EVC2: variants seen among roughly 807,000 people sequenced by gnomAD.
EVC2 encodes limbin.
EVC2 carries 148 observed loss-of-function variants against 149.3 expected under a neutral mutation model. The ratio of observed to expected loss-of-function variants is 0.99; its 90% confidence interval spans 0.87 to 1.14. EVC2 has a LOEUF of 1.14. Among genes scored for constraint, EVC2 ranks in the 50% most tolerant of loss-of-function variants. The pLI, the probability that EVC2 is intolerant of heterozygous loss-of-function variation, is 0.00. For missense variants in EVC2, 1,854 were observed against 1,627.3 expected (o/e 1.14, Z -2.40); for synonymous variants, 776 against 649.9 (o/e 1.19, Z -2.95).
In EVC2 at chr4:5,567,921, T is replaced by C. The variant is rs1458083287; in HGVS notation, c.3557+523A>G. Among the ~76,000 whole-genome samples the C allele has an allele frequency of 6.6e-6, 1 of 152,234 alleles. No individual in the cohort carries two copies. Among genetic ancestry groups the C allele is most frequent in the East Asian group, 1.9e-4 (1 of 5,200 alleles). On this transcript the variant is annotated intron_variant, in intron 20 of 21. Transcript: ENST00000344408. This position sits in a 1 kb window ranked among gnomAD's most constrained non-coding sequence, Gnocchi z 4.4. ...GATAAGAATTACATAGGGGGATGTT[T>C]GCATGAGCGTTAAAAGGTAAGGAGC...
chr4:5,538,709 G>C (rs1362919177), downstream of EVC2, among the ~76,000 whole-genome samples: 2 of 152,072 alleles, frequency 1.3e-5, no homozygotes, highest in African/African-American at 4.8e-5. Context: ...TCTATAAAAT[G>C]ATGAAAAACT....
rs190052122 is a variant in EVC2, at chr4:5,562,706, G to C, written c.*142C>G. 41 of 1,537,902 alleles carry C rather than the reference G, an allele frequency of 2.7e-5. 1 individual carries two copies. In the East Asian group the frequency reaches 8.3e-4, roughly 31 times the overall value. ...ACAAGATTAAACCGAGTCCCTGCAAGTTGGCATGCGCTACGGGGTCTGTGC... is the reference window on the plus strand; with the variant it reads ...ACAAGATTAAACCGAGTCCCTGCAACTTGGCATGCGCTACGGGGTCTGTGC... On this transcript the variant is annotated 3_prime_UTR_variant, in exon 22 of 22. Transcript: ENST00000344408. The surrounding 1 kb of genome is among the most constrained non-coding windows in gnomAD (Gnocchi z 4.3).
At chr4:5,662,482 A>C (rs1379774468) in intron 9 of EVC2, among the ~76,000 whole-genome samples, 1 of 106,248 alleles carries the variant, frequency 9.4e-6, no homozygotes, top group Non-Finnish European at 2.1e-5. Context: ...ATAATATTAA[A>C]TATAATATTA....
At chr4:5,619,281 G>A (rs988790813) in intron 14 of EVC2, among the ~76,000 whole-genome samples, 2 of 152,160 alleles carry the variant, frequency 1.3e-5, no homozygotes, top group Admixed American at 1.3e-4. Flanking sequence ...TGGAAATAGG[G>A]TATTTACAAA....
In EVC2 at chr4:5,554,339, G is replaced by T. The variant is rs190825108; in HGVS notation, c.3419+10919C>A. ...AGTAAGAAACCTTCATGGTCATTTT[G>T]ATGAATTGCTGAGGGCTGAAAGTAG... On this transcript the variant is annotated intron_variant and NMD_transcript_variant, in intron 21 of 22. Coordinates refer to the EVC2 transcript ENST00000475313. Among the ~76,000 whole-genome samples the T allele has an allele frequency of 2.6e-5, 4 of 152,270 alleles. No individual in the cohort carries two copies. The East Asian group carries it at 7.7e-4, about 29-fold the overall frequency.
intron 16 of EVC2, among the ~76,000 whole-genome samples, chr4:5,596,274 C>G (rs1383732728): frequency 6.6e-6 from 1 of 152,200 alleles, no homozygotes; most frequent in African/African-American, 2.4e-5. Context: ...ACATTTTTCT[C>G]AGCACCACAC....
chr4:5,691,624 A>G (rs1721126783), intron 3 of EVC2, among the ~76,000 whole-genome samples: 1 of 152,162 alleles, frequency 6.6e-6, no homozygotes. Flanking sequence ...ACATACCAGC[A>G]AGGGGGACGT....
chr4:5,639,932 T>C (rs1461300908), intron 10 of EVC2, among the ~76,000 whole-genome samples: 2 of 152,226 alleles, frequency 1.3e-5, no homozygotes, highest in Non-Finnish European at 2.9e-5. Flanking sequence ...CATTGTTCCC[T>C]ATACCTTCAC....
Position 5,567,595 on chromosome 4 carries a change from C to G in EVC2, c.3557+849G>C, listed in dbSNP as rs1471823550. On this transcript the variant is annotated intron_variant, in intron 20 of 21. Coordinates refer to ENST00000344408, the MANE Select transcript of EVC2 (RefSeq NM_147127.5). This position sits in a 1 kb window ranked among gnomAD's most constrained non-coding sequence, Gnocchi z 4.4. ...TCCTCAAGGGGTACTGCTGGCTGCC[C>G]CCCAAACCCGCCTTACTCCACACCC... 6.6e-6 allele frequency among the ~76,000 whole-genome samples: 1 copy of G among 152,040 alleles called. No individual in the cohort carries two copies. The highest frequency in any genetic ancestry group is 1.5e-5 in the Non-Finnish European group (1 of 68,018).
chr4:5,590,429 T>C (rs1712685310), intron 16 of EVC2, among the ~76,000 whole-genome samples: 1 of 151,940 alleles, frequency 6.6e-6, no homozygotes, highest in South Asian at 2.1e-4. Context: ...CATAATGGGA[T>C]GGGAGGTTAG....
At position 5,633,394 on chromosome 4, in the gene EVC2, C is replaced by T. The variant is rs911336368; in HGVS notation, c.1471-1362G>A. Among the ~76,000 whole-genome samples, 1 of 152,162 alleles carries T rather than the reference C, an allele frequency of 6.6e-6. No individual in the cohort carries two copies. The highest frequency in any genetic ancestry group is 1.5e-5 in the Non-Finnish European group (1 of 68,044). ...ACAATGTCACTAATGTGTGTGGTTGCTTAGGCAGGAATAGAAAACTGACAC... is the reference window on the plus strand; with the variant it reads ...ACAATGTCACTAATGTGTGTGGTTGTTTAGGCAGGAATAGAAAACTGACAC... On this transcript the variant is annotated intron_variant, in intron 10 of 21. Transcript: ENST00000344408. This position sits in a 1 kb window ranked among gnomAD's most constrained non-coding sequence, Gnocchi z 4.4.
upstream of EVC2, chr4:5,709,400 G>A (rs918006419): frequency 2.0e-5 from 3 of 152,256 alleles, no homozygotes; most frequent in Non-Finnish European, 4.4e-5. Flanking sequence ...CTTCCTGCGG[G>A]GCAGGCTGTT....
chr4:5,568,755 G>T, intron 19 of EVC2, 115 bp from the exon 20 acceptor site: 1 of 1,217,212 alleles, frequency 8.2e-7, no homozygotes, highest in Non-Finnish European at 1.2e-6. Flanking sequence ...TATTTCAGTA[G>T]CTTAGTCTGG....
intron 16 of EVC2, among the ~76,000 whole-genome samples, chr4:5,607,295 A>C (rs1714469006): frequency 6.6e-6 from 1 of 152,210 alleles, no homozygotes; most frequent in African/African-American, 2.4e-5. Context: ...CTCCTAAAAG[A>C]AGCTCCAAAT....
At chr4:5,534,836 A>C in the EVC2 span, among the ~76,000 whole-genome samples, 1 of 151,786 alleles carries the variant, frequency 6.6e-6, no homozygotes, top group Admixed American at 6.6e-5. Flanking sequence ...AAAAAAAAAA[A>C]AAAAAGCTAG....
intron 3 of EVC2, among the ~76,000 whole-genome samples, chr4:5,692,932 C>A (rs899380325): frequency 3.3e-5 from 5 of 150,156 alleles, no homozygotes; most frequent in Non-Finnish European, 5.9e-5. Context: ...CCAAAGAACA[C>A]GCGGACAATA....
intron 4 of EVC2, 40 bp downstream of exon 4, chr4:5,691,225 T>A (rs770979122): frequency 1.3e-6 from 2 of 1,572,000 alleles, no homozygotes; most frequent in South Asian, 2.2e-5. Context: ...CAAAATCCAA[T>A]TATTTTCTCT....
At chr4:5,689,093 C>T in intron 5 of EVC2, 64 bp downstream of exon 5, 1 of 1,576,808 alleles carries the variant, frequency 6.3e-7, no homozygotes, top group Admixed American at 1.7e-5. Flanking sequence ...AGAACACATT[C>T]ACCTGGAAGT....
downstream of EVC2, among the ~76,000 whole-genome samples, chr4:5,538,847 C>T (rs1202903346): frequency 6.6e-6 from 1 of 152,036 alleles, no homozygotes; most frequent in Non-Finnish European, 1.5e-5. Flanking sequence ...CACGAAAAAC[C>T]CACAGCTAAT....
Sources: gnomAD v4.1 joint callset for allele counts (sites outside exome capture counted in the v4.1 genomes callset) on GRCh38, gnomAD v4.1.1 for gene constraint, Gnocchi (gnomAD v3.1) non-coding constraint, MANE v1.5 for transcripts, NCBI Gene and HGNC (gene_info 2026-07-23, HGNC 2026-07-21) for gene names.